The following SLC9A9 variants were observed in gnomAD, a reference collection of about 807,000 sequenced individuals.
The protein encoded by SLC9A9 is sodium/hydrogen exchanger 9.
Under a neutral mutation model 77.8 loss-of-function variants are expected in SLC9A9, and 62 were observed. The observed-to-expected ratio is 0.80, with a 90% CI of 0.65 to 0.98. The LOEUF is 0.98. Among genes scored for constraint, SLC9A9 ranks in the 50% least tolerant of loss-of-function variants. The pLI is 0.00. For synonymous variants in SLC9A9, 320 were observed against 283.5 expected (o/e 1.13, Z -1.29); for missense variants, 775 against 774.9 (o/e 1.00, Z 0.00).
intron 12 of SLC9A9, among the ~76,000 whole-genome samples, chr3:143,464,178 ATT>A (rs2035243170): frequency 6.6e-6 from 1 of 152,146 alleles, no homozygotes; most frequent in South Asian, 2.1e-4. Flanking sequence ...CATTTGTGTG[ATT>A]TTATTAAAGC....
chr3:143,643,919 CAG>C (rs147478619), intron 6 of SLC9A9, among the ~76,000 whole-genome samples: 22,290 of 150,558 alleles, frequency 0.15, 1,812 homozygotes, highest in Middle Eastern at 0.19. Context: ...CAGAGGCAAA[CAG>C]AGTCTTTGTG....
intron 5 of SLC9A9, among the ~76,000 whole-genome samples, chr3:143,682,681 T>C (rs565595554): frequency 5.3e-5 from 8 of 152,294 alleles, no homozygotes; most frequent in Non-Finnish European, 1.0e-4. Flanking sequence ...GCTGCATTTC[T>C]TTCTGTAGGC....
chr3:143,638,930 G>A (rs1261740119), intron 6 of SLC9A9, among the ~76,000 whole-genome samples: 4 of 152,196 alleles, frequency 2.6e-5, no homozygotes, highest in Non-Finnish European at 5.9e-5. Flanking sequence ...GGCCAAGAGA[G>A]AGCTTTTAAT....
chr3:143,734,626 C>G lies in SLC9A9; in HGVS notation c.534-41319G>C, dbSNP rs542927537. Among the ~76,000 whole-genome samples, 500 of 150,368 alleles carry G rather than the reference C, an allele frequency of 3.3e-3. 5 individuals carry two copies. Among genetic ancestry groups the G allele is most frequent in the African/African-American group, 0.011 (469 of 40,866 alleles). ...GCAAGCACCTGTAGTCCCAGCTACTCGGGAGGCTGAGGCAGGGGAATCACT... is the reference window on the plus strand; with the variant it reads ...GCAAGCACCTGTAGTCCCAGCTACTGGGGAGGCTGAGGCAGGGGAATCACT... On this transcript the variant is annotated intron_variant, in intron 4 of 15. Transcript: ENST00000316549.
At chr3:143,841,940 A>C (rs1372131676) in intron 1 of SLC9A9, among the ~76,000 whole-genome samples, 1 of 152,054 alleles carries the variant, frequency 6.6e-6, no homozygotes, top group Admixed American at 6.6e-5. Context: ...TTTTTAGTAA[A>C]GACAGAGTTT....
At chr3:143,289,807 T>A (rs377435375) in intron 14 of SLC9A9, among the ~76,000 whole-genome samples, 82 of 152,068 alleles carry the variant, frequency 5.4e-4, no homozygotes, top group African/African-American at 1.9e-3. Flanking sequence ...CTGCTCCACC[T>A]CCCCTCCCAT....
intron 14 of SLC9A9, among the ~76,000 whole-genome samples, chr3:143,324,400 C>T (rs940925747): frequency 1.3e-5 from 2 of 152,238 alleles, no homozygotes; most frequent in African/African-American, 2.4e-5. Context: ...GGACCTTCCT[C>T]TTACTAGTGT....
chr3:143,467,575 C>T (rs1476507599), intron 11 of SLC9A9, among the ~76,000 whole-genome samples: 3 of 151,980 alleles, frequency 2.0e-5, no homozygotes, highest in Non-Finnish European at 4.4e-5. Flanking sequence ...AAGACCCTGT[C>T]TCTACAGATT....
intron 1 of SLC9A9, among the ~76,000 whole-genome samples, chr3:143,834,251 T>C (rs972674221): frequency 1.6e-4 from 25 of 152,184 alleles, no homozygotes; most frequent in African/African-American, 4.8e-4. Context: ...ACTGAGTGCT[T>C]GATCCACCAC....
intron 4 of SLC9A9, among the ~76,000 whole-genome samples, chr3:143,742,853 T>C (rs1935105930): frequency 6.6e-6 from 1 of 152,106 alleles, no homozygotes; most frequent in African/African-American, 2.4e-5. Flanking sequence ...TTGTTTGTAA[T>C]GGAAACTCTT....
rs535631632 is a variant in SLC9A9 at position 143,679,126 on chromosome 3, A to AAAAC, written c.649+14062_649+14065dup. On this transcript the variant is annotated intron_variant, in intron 5 of 15. Transcript: ENST00000316549. Reference sequence around the variant, plus strand: ...CAGCAGTAAAAAAAAGCAAATTAGGAAAACAAACAAACAAACAAACAAAAA... The same window carrying AAAAC: ...CAGCAGTAAAAAAAAGCAAATTAGGAAAACAAACAAACAAACAAACAAACAAAAA... Among the ~76,000 whole-genome samples, 66 of 152,110 alleles carry AAAAC rather than the reference A, an allele frequency of 4.3e-4. 1 individual carries two copies. In the South Asian group the frequency reaches 0.011, roughly 25 times the overall value.
intron 9 of SLC9A9, among the ~76,000 whole-genome samples, chr3:143,508,238 A>T (rs2036060063): frequency 6.6e-6 from 1 of 152,208 alleles, no homozygotes. Flanking sequence ...ACTGCTAGCA[A>T]CAAACAGAAT....
At chr3:143,532,491 A>G (rs936861980) in intron 9 of SLC9A9, among the ~76,000 whole-genome samples, 6 of 152,224 alleles carry the variant, frequency 3.9e-5, no homozygotes, top group African/African-American at 1.4e-4. Flanking sequence ...ATACTTCTAA[A>G]AAGATATACA....
intron 12 of SLC9A9, among the ~76,000 whole-genome samples, chr3:143,408,563 G>A (rs527971992): frequency 2.6e-5 from 4 of 152,342 alleles, no homozygotes; most frequent in South Asian, 2.1e-4. Flanking sequence ...AGGTGAAACC[G>A]CCTCGAGCAG....
intron 13 of SLC9A9, among the ~76,000 whole-genome samples, chr3:143,363,780 T>A (rs1032666693): frequency 6.6e-6 from 1 of 152,356 alleles, no homozygotes; most frequent in East Asian, 1.9e-4. Context: ...CATTTACTTT[T>A]CTTAATAATC....
chr3:143,289,774 G>T (rs561646437), intron 14 of SLC9A9, among the ~76,000 whole-genome samples: 32 of 152,230 alleles, frequency 2.1e-4, no homozygotes, highest in African/African-American at 7.5e-4. Context: ...TGGTCTAGGG[G>T]CTCTGCTGAT....
intron 9 of SLC9A9, among the ~76,000 whole-genome samples, chr3:143,519,472 C>G (rs993382686): frequency 2.0e-5 from 3 of 152,120 alleles, no homozygotes; most frequent in African/African-American, 7.2e-5. Flanking sequence ...GTGTGGGAAT[C>G]AGGAACCAGG....
At chr3:143,495,596 T>TGG in intron 9 of SLC9A9, 148 bp from the exon 10 acceptor site, 4 of 636,182 alleles carry the variant, frequency 6.3e-6, no homozygotes, top group Non-Finnish European at 1.1e-5. Flanking sequence ...TGAAGGAGGA[T>TGG]GGAGGCCCTG....
intron 5 of SLC9A9, among the ~76,000 whole-genome samples, chr3:143,687,509 G>A (rs1409042477): frequency 6.6e-6 from 1 of 152,096 alleles, no homozygotes; most frequent in African/African-American, 2.4e-5. Flanking sequence ...TCCTATTCAT[G>A]TGTGGGTTTC....
Sources: allele counts gnomAD v4.1 joint callset (sites outside exome capture counted in the v4.1 genomes callset), GRCh38; gene constraint gnomAD v4.1.1; transcripts MANE v1.5; gene names NCBI Gene and HGNC (gene_info 2026-07-23, HGNC 2026-07-21).